The following DNAH12 variants were observed in gnomAD, a reference collection of about 807,000 sequenced individuals.
DNAH12 encodes the protein dynein axonemal heavy chain 12, also known as axonemal beta dynein heavy chain 12.
A neutral mutation model predicts 371.5 loss-of-function variants in DNAH12; 285 were observed. That is an observed-to-expected ratio of 0.77 (90% CI 0.70 to 0.85). The LOEUF (loss-of-function observed/expected upper bound fraction) is 0.85. Among genes scored for constraint, DNAH12 ranks in the 40% least tolerant of loss-of-function variants. The pLI is 0.00. For missense variants in DNAH12, 3,611 were observed against 3,689.4 expected (o/e 0.98, Z 0.55); for synonymous variants, 1,200 against 1,213.0 (o/e 0.99, Z 0.22).
chr3:57,352,279 G>A (rs2062695724), intron 59 of DNAH12, 54 bp from the exon 60 acceptor site: 7 of 1,475,754 alleles, frequency 4.7e-6, no homozygotes, highest in Non-Finnish European at 6.3e-6. Flanking sequence ...GAAAATATAA[G>A]CAATGTGAAT....
intron 60 of DNAH12, among the ~76,000 whole-genome samples, chr3:57,351,018 A>G (rs2062659289): frequency 6.6e-6 from 1 of 151,134 alleles, no homozygotes; most frequent in South Asian, 2.1e-4. Flanking sequence ...CACCTGTAAT[A>G]CCAGCACTTT....
At chr3:57,534,708 C>T (rs1338045291) in intron 2 of DNAH12, among the ~76,000 whole-genome samples, 2 of 151,994 alleles carry the variant, frequency 1.3e-5, no homozygotes, top group African/African-American at 4.8e-5. Flanking sequence ...GGGGTTTCAC[C>T]ATATTGGATA....
intron 69 of DNAH12, among the ~76,000 whole-genome samples, chr3:57,302,929 T>C (rs939409112): frequency 7.2e-5 from 11 of 152,002 alleles, no homozygotes; most frequent in Middle Eastern, 3.2e-3. Context: ...AGCTAATGTT[T>C]ATTCTGTCTC....
intron 30 of DNAH12, among the ~76,000 whole-genome samples, chr3:57,434,224 T>C (rs557955902): frequency 3.3e-5 from 5 of 152,226 alleles, no homozygotes; most frequent in South Asian, 2.1e-4. Context: ...CTGGCACATA[T>C]AGGATTTCTG....
intron 49 of DNAH12, among the ~76,000 whole-genome samples, chr3:57,382,655 C>T: frequency 6.6e-6 from 1 of 151,906 alleles, no homozygotes; most frequent in East Asian, 1.9e-4. Context: ...GCTATAAATC[C>T]ACCAGAAAAT....
At chr3:57,407,290 A>G (rs1328886793) in intron 40 of DNAH12, among the ~76,000 whole-genome samples, 2 of 151,578 alleles carry the variant, frequency 1.3e-5, no homozygotes, top group Non-Finnish European at 2.9e-5. Flanking sequence ...AGAAAAAAAA[A>G]AAAAAAAGCC....
At chr3:57,389,904 C>T (rs1042002403) in intron 45 of DNAH12, among the ~76,000 whole-genome samples, 3 of 146,962 alleles carry the variant, frequency 2.0e-5, no homozygotes, top group Admixed American at 6.8e-5. Context: ...GGCACAATCT[C>T]GGCCCACTGC....
At chr3:57,554,009 G>C in the DNAH12 span, among the ~76,000 whole-genome samples, 1 of 151,650 alleles carries the variant, frequency 6.6e-6, no homozygotes, top group Non-Finnish European at 1.5e-5. Flanking sequence ...ATTTTTAGTA[G>C]AGACAGGGTT....
chr3:57,325,329 G>A (rs1332888080), intron 62 of DNAH12, among the ~76,000 whole-genome samples: 2 of 152,206 alleles, frequency 1.3e-5, no homozygotes, highest in Admixed American at 1.3e-4. Context: ...CCCCAAGTAG[G>A]GGCAAACTGA....
At chr3:57,368,023 G>C (rs2063089120) in intron 56 of DNAH12, 23 bp downstream of exon 56, 2 of 152,188 alleles carry the variant, frequency 1.3e-5, no homozygotes, top group South Asian at 4.1e-4. Context: ...CAGTTCTACA[G>C]ATTAATAGTA....
intron 72 of DNAH12, 99 bp from the exon 73 acceptor site, chr3:57,295,691 C>A (rs569466486): frequency 4.0e-5 from 38 of 955,878 alleles, no homozygotes; most frequent in Admixed American, 9.9e-5. Flanking sequence ...AAAGAAAGGA[C>A]TAGAGGCATA....
At chr3:57,405,560 CATTA>C in intron 41 of DNAH12, 89 bp downstream of exon 41, 1 of 511,000 alleles carries the variant, frequency 2.0e-6, no homozygotes, top group Non-Finnish European at 3.0e-6. Context: ...AGAATATGTT[CATTA>C]AGAAATGATT....
Position 57,445,419 on chromosome 3 carries a change from C to A in DNAH12, c.4180G>T (p.Val1394Phe). ...GRSELPDNLK[V>F]LFRTVAMMVP... ...ATCATAGCCACTGTTCTAAAAAGAACCTGAAGTATAAAATAAATGAAATAT... is the reference window on the plus strand; with the variant it reads ...ATCATAGCCACTGTTCTAAAAAGAAACTGAAGTATAAAATAAATGAAATAT... Residue 1394 changes from valine to phenylalanine, a missense_variant and splice_region_variant, in exon 28 of 74, where the codon GTT becomes TTT. Coordinates refer to ENST00000495027, the MANE Select transcript of DNAH12 (RefSeq NM_001366028.2). The A allele has an allele frequency of 6.6e-7, 1 of 1,512,028 alleles. No individual in the cohort carries two copies. The highest frequency in any genetic ancestry group is 1.3e-5 in the South Asian group (1 of 77,470). 93.7% of individuals were successfully genotyped at this position (1,512,028 alleles called of 1,614,324 possible). A position where few individuals can be genotyped will look rare whatever the true frequency, so the allele number is the denominator to read the frequency against.
chr3:57,336,459 G>A (rs2062224551), intron 60 of DNAH12, among the ~76,000 whole-genome samples: 1 of 151,860 alleles, frequency 6.6e-6, no homozygotes, highest in Non-Finnish European at 1.5e-5. Context: ...TACATAATCT[G>A]TTATAGGAAT....
chr3:57,347,422 A>G (rs1395091268), intron 60 of DNAH12, among the ~76,000 whole-genome samples: 1 of 152,216 alleles, frequency 6.6e-6, no homozygotes, highest in African/African-American at 2.4e-5. Flanking sequence ...AGATGTAGAA[A>G]AAACATTTGA....
chr3:57,313,311 C>G (rs501283), intron 66 of DNAH12, among the ~76,000 whole-genome samples: 1 of 151,812 alleles, frequency 6.6e-6, no homozygotes, highest in Non-Finnish European at 1.5e-5. Context: ...GCCTGGACAA[C>G]GTAGCAAGAC....
In DNAH12 at chr3:57,390,123, C is replaced by A. The variant is rs1024278263; in HGVS notation, c.7305+1749G>T. 2.0e-5 allele frequency among the ~76,000 whole-genome samples: 3 copies of A among 148,974 alleles called. No individual in the cohort carries two copies. The East Asian group carries it at 6.6e-4, about 33-fold the overall frequency. ...TGCTGGGATTACAGGCGTGAGCCAC[C>A]GTGCCCAACTGAGAGCACCAATATT... On this transcript the variant is annotated intron_variant, in intron 45 of 73. Transcript: ENST00000495027.
intron 36 of DNAH12, among the ~76,000 whole-genome samples, chr3:57,420,165 C>A (rs548281827): frequency 1.3e-4 from 20 of 152,166 alleles, no homozygotes; most frequent in South Asian, 1.2e-3. Context: ...GTCCTGACAC[C>A]CCTGAGTGCC....
At chr3:57,426,257 G>T (rs530884277) in intron 34 of DNAH12, among the ~76,000 whole-genome samples, 5 of 152,234 alleles carry the variant, frequency 3.3e-5, no homozygotes, top group African/African-American at 1.2e-4. Flanking sequence ...GATCCTAAAA[G>T]GTTTTTATAT....
Sources: gnomAD v4.1 joint callset for allele counts (sites outside exome capture counted in the v4.1 genomes callset) on GRCh38, gnomAD v4.1.1 for gene constraint, MANE v1.5 for transcripts, NCBI Gene and HGNC (gene_info 2026-07-23, HGNC 2026-07-21) for gene names.